Variants in AFAP1L1 observed in about 807,000 individuals in gnomAD.
The protein encoded by AFAP1L1 is actin filament-associated protein 1-like 1.
Under a neutral mutation model 99.8 loss-of-function variants are expected in AFAP1L1, and 77 were observed. The observed-to-expected ratio is 0.77, with a 90% CI of 0.64 to 0.93. The LOEUF (loss-of-function observed/expected upper bound fraction) is 0.93. AFAP1L1 is among the 40% of genes least tolerant of loss of function. The pLI is 0.00. For synonymous variants in AFAP1L1, 373 were observed against 395.3 expected, an observed-to-expected ratio of 0.94 and a Z score of 0.67; for missense variants, 893 against 996.8, an observed-to-expected ratio of 0.90 and a Z score of 1.40.
intron 1 of AFAP1L1, among the ~76,000 whole-genome samples, chr5:149,272,698 TTC>T (rs1409363636): frequency 6.6e-6 from 1 of 152,068 alleles, no homozygotes; most frequent in Non-Finnish European, 1.5e-5. Context: ...GCACATTTTT[TTC>T]TGTTTGTTTT....
chr5:149,335,236 C>G (rs1168257200), intron 17 of AFAP1L1, among the ~76,000 whole-genome samples: 3 of 152,164 alleles, frequency 2.0e-5, no homozygotes, highest in Non-Finnish European at 2.9e-5. Context: ...ACCTGTAATC[C>G]CAGCACTTTG....
rs1272707645 is a variant in AFAP1L1 at position 149,310,146 on chromosome 5, T to C, written c.927+11T>C. On this transcript the variant is annotated intron_variant, in intron 8 of 18. Transcript: ENST00000296721. The stretch of plus-strand genomic sequence containing the variant: ...GAGGAGTGGCTGAAGGTGCGTGGCC[T>C]GCACCTGACCTTCCCGCCTTCTCAC... The C allele has an allele frequency of 6.3e-7, 1 of 1,577,398 alleles. No individual in the cohort carries two copies. The highest frequency in any genetic ancestry group is 2.3e-5 in the East Asian group (1 of 44,406).
chr5:149,284,814 G>A (rs1755626500), intron 1 of AFAP1L1, among the ~76,000 whole-genome samples: 1 of 152,180 alleles, frequency 6.6e-6, no homozygotes, highest in African/African-American at 2.4e-5. Context: ...AATGGAAAGG[G>A]AGAGATTGGA....
chr5:149,306,405 G>A lies in AFAP1L1; in HGVS notation c.535+1G>A, dbSNP rs1756415735. 1.2e-6 allele frequency: 2 copies of A among 1,608,360 alleles called. No individual in the cohort carries two copies. Among genetic ancestry groups the A allele is most frequent in the Non-Finnish European group, 1.7e-6 (2 of 1,177,016 alleles). ...GTGAACGGCGAGCTTAAGAGCTCCT[G>A]TAAGTACCAGGTGGGCGTCCAGATG... On this transcript the variant is annotated splice_donor_variant, in intron 6 of 18. Transcript: ENST00000296721. LOFTEE classifies it high-confidence loss of function.
intron 1 of AFAP1L1, among the ~76,000 whole-genome samples, chr5:149,288,881 G>A (rs934790954): frequency 2.6e-5 from 4 of 152,190 alleles, no homozygotes; most frequent in Admixed American, 2.6e-4. Flanking sequence ...TGCGAGTAAG[G>A]CCATTGAGGA....
chr5:149,301,476 A>T (rs1002641282), intron 4 of AFAP1L1, among the ~76,000 whole-genome samples: 1 of 151,864 alleles, frequency 6.6e-6, no homozygotes, highest in Non-Finnish European at 1.5e-5. Context: ...CCTGACTGGG[A>T]AGTCACAGTG....
At chr5:149,302,389 C>T in intron 4 of AFAP1L1, 29 bp from the exon 5 acceptor site, 1 of 1,538,216 alleles carries the variant, frequency 6.5e-7, no homozygotes, top group Non-Finnish European at 8.8e-7. Context: ...TGCTCCGCTC[C>T]CCTAGCCCTC....
chr5:149,343,633 T>C lies in AFAP1L1; in HGVS notation c.*3603T>C, dbSNP rs1266900042. Among the ~76,000 whole-genome samples the C allele has an allele frequency of 6.6e-6, 1 of 152,070 alleles. No individual in the cohort carries two copies. The highest frequency in any genetic ancestry group is 2.4e-5 in the African/African-American group (1 of 41,410). On this transcript the variant is annotated 3_prime_UTR_variant, in exon 19 of 19. Transcript: ENST00000296721. ...CAAAAGAAATAAAATACTAAGAAAC[T>C]AAAAGGGTGCTGGACACAGTTACTT...
intron 18 of AFAP1L1, among the ~76,000 whole-genome samples, chr5:149,337,783 T>G (rs932734465): frequency 5.3e-5 from 8 of 152,032 alleles, no homozygotes; most frequent in Non-Finnish European, 1.2e-4. Flanking sequence ...TACATATATA[T>G]AGAAAGGGAC....
At chr5:149,298,255 C>T (rs1244187045) in intron 1 of AFAP1L1, among the ~76,000 whole-genome samples, 2 of 152,186 alleles carry the variant, frequency 1.3e-5, no homozygotes, top group African/African-American at 4.8e-5. Flanking sequence ...TTTCTTCTTG[C>T]CTCTGTGTAA....
intron 7 of AFAP1L1, among the ~76,000 whole-genome samples, chr5:149,309,115 CATA>C (rs1459390898): frequency 6.6e-6 from 1 of 151,870 alleles, no homozygotes; most frequent in African/African-American, 2.4e-5. Flanking sequence ...AGTCTCTAAA[CATA>C]ATAATAATAA....
intron 12 of AFAP1L1, among the ~76,000 whole-genome samples, chr5:149,318,664 G>A (rs1378905223): frequency 6.6e-6 from 1 of 152,166 alleles, no homozygotes; most frequent in East Asian, 1.9e-4. Flanking sequence ...TTACTCACGG[G>A]CACTAGCCTC....
At chr5:149,331,007 A>G (rs764361749) in intron 16 of AFAP1L1, among the ~76,000 whole-genome samples, 5 of 152,150 alleles carry the variant, frequency 3.3e-5, no homozygotes, top group Non-Finnish European at 7.3e-5. Flanking sequence ...TGGTGAATAT[A>G]AAGAGTTCAA....
chr5:149,287,753 T>G lies in AFAP1L1; in HGVS notation c.17-11756T>G, dbSNP rs565428065. 3.1e-3 allele frequency among the ~76,000 whole-genome samples: 361 copies of G among 117,278 alleles called. 1 individual carries two copies. The highest frequency in any genetic ancestry group is 0.013 in the African/African-American group (326 of 25,414). The allele number at this position is 117,278 out of a possible 152,430, so 76.9% of individuals were successfully genotyped here. On this transcript the variant is annotated intron_variant, in intron 1 of 18. Transcript: ENST00000296721. ...ATGAGGGTTTTTTGTTTTTTTGGTG[T>G]TTTTTTTTTTTTTTTGTATTTTTAG...
intron 1 of AFAP1L1, among the ~76,000 whole-genome samples, chr5:149,281,146 G>T (rs541421145): frequency 6.6e-6 from 1 of 152,108 alleles, no homozygotes; most frequent in Admixed American, 6.6e-5. Flanking sequence ...ATTCACGGTG[G>T]GGGGGTTGCT....
chr5:149,280,295 C>T (rs1400101385), intron 1 of AFAP1L1, among the ~76,000 whole-genome samples: 4 of 152,146 alleles, frequency 2.6e-5, no homozygotes, highest in South Asian at 2.1e-4. Flanking sequence ...CCTGTTGCCT[C>T]GGATAGGAGC....
chr5:149,342,301 TCA>T lies in AFAP1L1; in HGVS notation c.*2274_*2275del, dbSNP rs921748317. Among the ~76,000 whole-genome samples, 44 of 152,348 alleles carry T rather than the reference TCA, an allele frequency of 2.9e-4. No homozygotes were observed. Among genetic ancestry groups the T allele is most frequent in the African/African-American group, 9.6e-4 (40 of 41,580 alleles). On this transcript the variant is annotated 3_prime_UTR_variant, in exon 19 of 19. Coordinates refer to ENST00000296721, the MANE Select transcript of AFAP1L1 (RefSeq NM_152406.4). ...GAGATAAGTTATATTGCCCTAGTTT[TCA>T]CAGTTCAGGAAATGGAAGCTCACAG... is the stretch of plus-strand genomic sequence containing the variant.
intron 15 of AFAP1L1, among the ~76,000 whole-genome samples, chr5:149,327,884 AAAT>A (rs1757141040): frequency 6.6e-6 from 1 of 152,226 alleles, no homozygotes. Context: ...AAAAATATTC[AAAT>A]AATGGCTGAA....
At chr5:149,303,502 T>C (rs1282716304) in intron 5 of AFAP1L1, among the ~76,000 whole-genome samples, 1 of 152,254 alleles carries the variant, frequency 6.6e-6, no homozygotes, top group African/African-American at 2.4e-5. Context: ...ATAATGTTTG[T>C]GTGATGCTGC....
Sources: gnomAD v4.1 joint callset for allele counts (sites outside exome capture counted in the v4.1 genomes callset) on GRCh38, gnomAD v4.1.1 for gene constraint, MANE v1.5 for transcripts, NCBI Gene and HGNC (gene_info 2026-07-23, HGNC 2026-07-21) for gene names.